TNRC18: variants seen among roughly 807,000 people sequenced by gnomAD.
TNRC18 encodes trinucleotide repeat-containing gene 18 protein.
Under a neutral mutation model 226.7 loss-of-function variants are expected in TNRC18, and 69 were observed. That is an observed-to-expected ratio of 0.30 (90% CI 0.25 to 0.37). The LOEUF (loss-of-function observed/expected upper bound fraction) is 0.37. Among genes scored for constraint, TNRC18 ranks in the 10% least tolerant of loss-of-function variants. The pLI is 1.00. For missense variants in TNRC18, 4,754 were observed against 4,256.6 expected (o/e 1.12, Z -3.25); for synonymous variants, 2,449 against 1,927.6 (o/e 1.27, Z -7.09).
At chr7:5,336,335 A>G (rs1001023097) in intron 18 of TNRC18, among the ~76,000 whole-genome samples, 2 of 152,224 alleles carry the variant, frequency 1.3e-5, no homozygotes, top group Non-Finnish European at 2.9e-5. Flanking sequence ...ACAGCCAACG[A>G]TTCTGAAATC....
chr7:5,358,381 C>T (rs1400926050), intron 15 of TNRC18, among the ~76,000 whole-genome samples: 1 of 152,222 alleles, frequency 6.6e-6, no homozygotes, highest in Non-Finnish European at 1.5e-5. Flanking sequence ...AAGAAAAAAG[C>T]TGGGATGGTG....
rs747412554 is a variant in TNRC18 at position 5,370,703 on chromosome 7, G to A, written c.3891C>T (p.Asp1297=). 5.0e-6 allele frequency: 8 copies of A among 1,610,052 alleles called. No homozygotes were observed. Among genetic ancestry groups the A allele is most frequent in the East Asian group, 4.5e-5 (2 of 44,746 alleles). Residue 1297 remains aspartate, a synonymous_variant, in exon 11 of 30, where the codon GAC becomes GAT. Coordinates refer to ENST00000430969, the MANE Select transcript of TNRC18 (RefSeq NM_001080495.3). ...GGCACTGTCCCTCCCCGGCGGGCACGTCACAGTCTGACATTTCTAGGGTGG... is the reference window on the plus strand; with the variant it reads ...GGCACTGTCCCTCCCCGGCGGGCACATCACAGTCTGACATTTCTAGGGTGG... ...SQPTLEMSDC[D]VPAGEGQCPS... is the part of the protein sequence containing the mutation.
rs1406805615 is a variant in TNRC18, at chr7:5,380,511, A to G, written c.2153-2487T>C. ...GAGGAACCCAGAGAGGGGCACAGCCATGCCGGCCCAGACGCCTGCAGGACC... is the reference window on the plus strand; with the variant it reads ...GAGGAACCCAGAGAGGGGCACAGCCGTGCCGGCCCAGACGCCTGCAGGACC... On this transcript the variant is annotated intron_variant, in intron 5 of 29. Coordinates refer to ENST00000430969, the MANE Select transcript of TNRC18 (RefSeq NM_001080495.3). Among the ~76,000 whole-genome samples, 3 of 152,208 alleles carry G rather than the reference A, an allele frequency of 2.0e-5. No homozygotes were observed. The East Asian group carries it at 5.8e-4, about 29-fold the overall frequency.
rs758908502 is a variant in TNRC18, at chr7:5,390,552, G to A, written c.420C>T (p.Ser140=). 15 of 1,613,506 alleles carry A rather than the reference G, an allele frequency of 9.3e-6. No homozygotes were observed. The highest frequency in any genetic ancestry group is 1.6e-4 in the Middle Eastern group (1 of 6,062). ...GCTGACCCAGCTGGCTGAGGAGGGGGCTCCCACTGCTGGGGGGCTCCAGGT... is the reference window on the plus strand; with the variant it reads ...GCTGACCCAGCTGGCTGAGGAGGGGACTCCCACTGCTGGGGGGCTCCAGGT... ...LNHLEPPSSG[S]PLLSQLGQPS... The change falls in exon 4 of 30, where the codon AGC becomes AGT. Residue 140 remains serine, a synonymous_variant. Coordinates refer to ENST00000430969, the MANE Select transcript of TNRC18 (RefSeq NM_001080495.3).
chr7:5,346,276 T>C (rs7780470), intron 17 of TNRC18, among the ~76,000 whole-genome samples: 138,210 of 152,284 alleles, frequency 0.91, 62,903 homozygotes, highest in East Asian at 1. Flanking sequence ...CAGGTGCCTG[T>C]GGCAGCTTCG....
intron 24 of TNRC18, 82 bp from the exon 25 acceptor site, chr7:5,316,154 C>A (rs531306437): frequency 9.5e-7 from 1 of 1,050,248 alleles, no homozygotes; most frequent in East Asian, 2.6e-5. Context: ...TGGCAGAAAC[C>A]GGCCCCTGTG....
chr7:5,401,913 C>G (rs925691697), intron 2 of TNRC18, among the ~76,000 whole-genome samples: 1 of 152,088 alleles, frequency 6.6e-6, no homozygotes, highest in Non-Finnish European at 1.5e-5. Context: ...TGGTGGCTCA[C>G]ACCTGTAATC....
At chr7:5,320,454 T>C (rs1259103627) in intron 23 of TNRC18, 28 bp from the exon 24 acceptor site, 3 of 1,563,482 alleles carry the variant, frequency 1.9e-6, no homozygotes, top group East Asian at 2.4e-5. Context: ...GAGTGCAAGG[T>C]GTGGACACAG....
chr7:5,389,421 G>T, intron 4 of TNRC18, 85 bp from the exon 5 acceptor site: 2 of 1,202,050 alleles, frequency 1.7e-6, no homozygotes, highest in Non-Finnish European at 2.1e-6. Context: ...CCTGAGAGGG[G>T]GATGGACCAA....
intron 19 of TNRC18, among the ~76,000 whole-genome samples, chr7:5,325,730 T>C (rs1788854751): frequency 7.2e-6 from 1 of 138,158 alleles, no homozygotes; most frequent in African/African-American, 2.8e-5. Context: ...TGCAATTTTT[T>C]TTTTTTTTTT....
At chr7:5,348,576 C>T (rs1184425459) in intron 17 of TNRC18, among the ~76,000 whole-genome samples, 3 of 143,152 alleles carry the variant, frequency 2.1e-5, no homozygotes, top group East Asian at 2.3e-4. Context: ...GGAGACAGCC[C>T]GGATTTCTGC....
intron 11 of TNRC18, 38 bp from the exon 12 acceptor site, chr7:5,362,863 C>T: frequency 6.8e-7 from 1 of 1,460,948 alleles, no homozygotes; most frequent in Non-Finnish European, 9.0e-7. Flanking sequence ...GCTGCTGCCA[C>T]CCCTTCCCCA....
chr7:5,328,535 G>C (rs976845544), intron 19 of TNRC18, among the ~76,000 whole-genome samples: 5 of 149,376 alleles, frequency 3.3e-5, no homozygotes, highest in African/African-American at 1.2e-4. Flanking sequence ...TTGAGACAGA[G>C]TCTCGCTCTG....
rs1340733824 is a variant in TNRC18, at chr7:5,309,662, G to C, written c.8389-294C>G. Among the ~76,000 whole-genome samples the C allele has an allele frequency of 2.6e-5, 4 of 152,232 alleles. No homozygotes were observed. Among genetic ancestry groups the C allele is most frequent in the African/African-American group, 9.6e-5 (4 of 41,464 alleles). On this transcript the variant is annotated intron_variant, in intron 27 of 29. Transcript: ENST00000430969. The surrounding 1 kb of genome is among the most constrained non-coding windows in gnomAD (Gnocchi z 5.7). ...CTGTTGCCCAGGCTGGAGCGCAGTG[G>C]CGCCATCATGACTCACTGCAGCCAC...
At chr7:5,343,291 T>C (rs551001106) in intron 18 of TNRC18, among the ~76,000 whole-genome samples, 3 of 152,086 alleles carry the variant, frequency 2.0e-5, no homozygotes, top group East Asian at 1.9e-4. Context: ...GAGGTGGAGA[T>C]TGCAGTGAGC....
At chr7:5,354,760 C>T (rs1022155150) in intron 16 of TNRC18, among the ~76,000 whole-genome samples, 1 of 152,170 alleles carries the variant, frequency 6.6e-6, no homozygotes, top group Non-Finnish European at 1.5e-5. Flanking sequence ...CCTGAAAAAA[C>T]TAGCAGCTTA....
At chr7:5,352,740 A>T (rs1053001821) in intron 16 of TNRC18, among the ~76,000 whole-genome samples, 3 of 152,248 alleles carry the variant, frequency 2.0e-5, no homozygotes, top group Non-Finnish European at 4.4e-5. Context: ...AAGAGTCTTC[A>T]AATCTTCCGG....
intron 2 of TNRC18, among the ~76,000 whole-genome samples, chr7:5,396,342 C>G (rs543316745): frequency 6.6e-6 from 1 of 151,482 alleles, no homozygotes; most frequent in Admixed American, 6.6e-5. Flanking sequence ...AGTGAGACTC[C>G]GTCTCAAAAA....
rs1310607179 is a variant in TNRC18, at chr7:5,312,974, G to GACGAA, written c.7916_7917insTTCGT (p.Ser2642ProfsTer161). On this transcript the variant is annotated frameshift_variant, in exon 27 of 30. Coordinates refer to ENST00000430969, the MANE Select transcript of TNRC18 (RefSeq NM_001080495.3). LOFTEE classifies it high-confidence loss of function. This position sits in a 1 kb window ranked among gnomAD's most constrained non-coding sequence, Gnocchi z 6.3. ...AGGAAGACGAAGAGGAAGAGGAGGA[G>GACGAA]GAGGAAGAGGAGGAGGAGGAAGAGG... 96 of 1,100,200 alleles carry GACGAA rather than the reference G, an allele frequency of 8.7e-5. No individual in the cohort carries two copies. The East Asian group carries it at 2.3e-3, about 27-fold the overall frequency. 68.2% of individuals were successfully genotyped at this position (1,100,200 alleles called of 1,614,324 possible). A position where few individuals can be genotyped will look rare whatever the true frequency, so the allele number is the denominator to read the frequency against.
Sources: allele counts gnomAD v4.1 joint callset (sites outside exome capture counted in the v4.1 genomes callset), GRCh38; gene constraint gnomAD v4.1.1; non-coding constraint Gnocchi (gnomAD v3.1); transcripts MANE v1.5; gene names NCBI Gene and HGNC (gene_info 2026-07-23, HGNC 2026-07-21).